Variants in MBD5 observed in about 807,000 individuals in gnomAD.
MBD5 encodes the protein methyl-CpG-binding domain protein 5.
MBD5 carries 13 observed loss-of-function variants against 117.3 expected under a neutral mutation model. The ratio of observed to expected loss-of-function variants is 0.11; its 90% CI spans 0.07 to 0.18. The LOEUF is 0.18. MBD5 is among the 10% of genes least tolerant of loss of function. MBD5 has a pLI of 1.00. For missense variants in MBD5, 1,879 were observed against 2,093.8 expected (o/e 0.90, Z 2.00); for synonymous variants, 727 against 766.4 (o/e 0.95, Z 0.85).
Position 148,470,386 on chromosome 2 carries a change from A to G in MBD5, c.2443A>G (p.Arg815Gly). 1 of 1,613,614 alleles carries G rather than the reference A, an allele frequency of 6.2e-7. No homozygotes were observed. The highest frequency in any genetic ancestry group is 8.5e-7 in the Non-Finnish European group (1 of 1,179,656). Residue 815 changes from arginine to glycine, a missense_variant, in exon 8 of 14, where the codon AGA becomes GGA. By Grantham distance (125) the Arg-to-Gly change is moderately radical. Transcript: ENST00000642680. ...NSLHPNPPQSRISTSSTPVIP... is the reference protein window; with the variant it reads ...NSLHPNPPQSGISTSSTPVIP... ...CTTACATCCCAATCCACCTCAGTCA[A>G]GAATTTCAACGTCCTCCACTCCAGT...
intron 4 of MBD5, among the ~76,000 whole-genome samples, chr2:148,382,618 A>G (rs981442961): frequency 2.0e-5 from 3 of 152,322 alleles, no homozygotes; most frequent in African/African-American, 7.2e-5. Flanking sequence ...ATAGACATCT[A>G]CAGAACTCTC....
At position 148,483,184 on chromosome 2, in the gene MBD5, C is replaced by G; in HGVS notation, c.2593C>G (p.Leu865Val). 6.2e-7 allele frequency: 1 copy of G among 1,613,570 alleles called. No individual in the cohort carries two copies. Among genetic ancestry groups the G allele is most frequent in the Non-Finnish European group, 8.5e-7 (1 of 1,179,928 alleles). ...TGCCATCACAAAGACAACATCTGTT[C>G]TTCAAGATGGCGTCATAGTCACCAC... ...HPAITKTTSV[L>V]QDGVIVTTAA... The change falls in exon 9 of 14, where the codon CTT (leucine) becomes GTT (valine). Residue 865 changes from leucine (L) to valine (V), a missense_variant. Around this residue, in one of 4 missense-constraint regions of MBD5, gnomAD observed 1,666 missense variants for 1,792.2 expected, o/e 0.93. Transcript: ENST00000642680.
intron 1 of MBD5, among the ~76,000 whole-genome samples, chr2:148,163,073 C>CA (rs1346053533): frequency 6.6e-6 from 1 of 152,200 alleles, no homozygotes; most frequent in East Asian, 1.9e-4. Context: ...AAACCACCAG[C>CA]ATGTTAAGAT....
chr2:148,377,647 G>C (rs990713498), intron 4 of MBD5, among the ~76,000 whole-genome samples: 2 of 152,110 alleles, frequency 1.3e-5, no homozygotes, highest in African/African-American at 4.8e-5. Context: ...TCATCAAAAC[G>C]TAATAAATTA....
rs778113519 is a variant in MBD5 at position 148,483,452 on chromosome 2, A to G, written c.2861A>G (p.Asn954Ser). The change falls in exon 9 of 14, where the codon AAC (asparagine) becomes AGC (serine). Residue 954 changes from asparagine (N) to serine (S), a missense_variant. This residue lies in a region of MBD5 where 1,666 missense variants were observed against 1,792.2 expected (regional missense o/e 0.93). Coordinates refer to ENST00000642680, the MANE Select transcript of MBD5 (RefSeq NM_001378120.1). ...PSAGEGKSEI[N>S]LHPLGFLNPN... ...GCAGGAGAAGGCAAGTCTGAGATCAACCTCCACCCTTTAGGTTTTCTCAAC... is the reference window on the plus strand; with the variant it reads ...GCAGGAGAAGGCAAGTCTGAGATCAGCCTCCACCCTTTAGGTTTTCTCAAC... The G allele has an allele frequency of 3.1e-6, 5 of 1,613,986 alleles. No homozygotes were observed. Among genetic ancestry groups the G allele is most frequent in the Non-Finnish European group, 4.2e-6 (5 of 1,179,968 alleles).
At chr2:148,412,824 A>C (rs1705304301) in intron 4 of MBD5, among the ~76,000 whole-genome samples, 1 of 152,010 alleles carries the variant, frequency 6.6e-6, no homozygotes, top group Non-Finnish European at 1.5e-5. Context: ...ACTTTGCTAA[A>C]GTTTTTTTTC....
At position 148,446,602 on chromosome 2, in the gene MBD5, C is replaced by CTATGTGTGTGTGTGTGTGTG. The variant is rs1553516216; in HGVS notation, c.-556-11600_-556-11599insATGTGTGTGTGTGTGTGTGT. On this transcript the variant is annotated intron_variant, in intron 4 of 13. Coordinates refer to ENST00000642680, the MANE Select transcript of MBD5 (RefSeq NM_001378120.1). The stretch of plus-strand genomic sequence containing the variant: ...TTAATTTACATACCAGATTATTTAT[C>CTATGTGTGTGTGTGTGTGTG]TGTGTGTGTGTGTGTGTGTGTGTGT... Among the ~76,000 whole-genome samples the CTATGTGTGTGTGTGTGTGTG allele has an allele frequency of 8.7e-4, 129 of 148,898 alleles. 1 individual carries two copies. Among genetic ancestry groups the CTATGTGTGTGTGTGTGTGTG allele is most frequent in the South Asian group, 1.1e-3 (5 of 4,638 alleles).
intron 7 of MBD5, 48 bp from the exon 8 acceptor site, chr2:148,468,291 CAA>C: frequency 6.6e-7 from 1 of 1,518,952 alleles, no homozygotes; most frequent in Non-Finnish European, 9.1e-7. Context: ...CCTCCCACCA[CAA>C]AAGAGTTGAG....
chr2:148,355,257 T>C (rs902568591), intron 4 of MBD5, among the ~76,000 whole-genome samples: 2 of 151,948 alleles, frequency 1.3e-5, no homozygotes, highest in African/African-American at 2.4e-5. Context: ...TCTTTTGCTA[T>C]GCAGAAGCTC....
intron 4 of MBD5, among the ~76,000 whole-genome samples, chr2:148,431,824 G>C (rs1705995703): frequency 6.6e-6 from 1 of 152,052 alleles, no homozygotes; most frequent in Admixed American, 6.6e-5. Flanking sequence ...GTCCTGTTTT[G>C]AATAGCGCTG....
chr2:148,255,365 G>A (rs1000569159), intron 3 of MBD5, among the ~76,000 whole-genome samples: 31 of 152,146 alleles, frequency 2.0e-4, no homozygotes, highest in African/African-American at 6.8e-4. Flanking sequence ...GTCCCCCAGA[G>A]GAGGGCTCTT....
At chr2:148,365,786 C>A (rs972691151) in intron 4 of MBD5, among the ~76,000 whole-genome samples, 1 of 151,720 alleles carries the variant, frequency 6.6e-6, no homozygotes, top group East Asian at 1.9e-4. Context: ...AGGAAGAAGT[C>A]GAATCACTGA....
chr2:148,135,572 G>C (rs1406536262), intron 1 of MBD5, among the ~76,000 whole-genome samples: 1 of 152,030 alleles, frequency 6.6e-6, no homozygotes, highest in East Asian at 1.9e-4. Context: ...AGCCCCCTAG[G>C]TTTTAGGGCT....
intron 2 of MBD5, among the ~76,000 whole-genome samples, chr2:148,223,514 C>T (rs1246468859): frequency 2.0e-5 from 3 of 152,004 alleles, no homozygotes; most frequent in African/African-American, 7.2e-5. Context: ...GGAATTTGTC[C>T]ATTTCTTCTA....
chr2:148,042,013 C>T (rs969304450), intron 1 of MBD5, among the ~76,000 whole-genome samples: 6 of 152,084 alleles, frequency 3.9e-5, no homozygotes, highest in African/African-American at 1.4e-4. Context: ...GCTCTGGCCA[C>T]CTAAAGGGGA....
chr2:148,503,639 C>T (rs574181787), intron 12 of MBD5, among the ~76,000 whole-genome samples: 4 of 152,222 alleles, frequency 2.6e-5, no homozygotes, highest in East Asian at 3.9e-4. Context: ...CTCTATGTCC[C>T]GGACTCCTTT....
chr2:148,493,672 A>G (rs1313333026), intron 11 of MBD5, among the ~76,000 whole-genome samples: 1 of 152,224 alleles, frequency 6.6e-6, no homozygotes, highest in African/African-American at 2.4e-5. Flanking sequence ...TGGTCATAAT[A>G]GTAACTGACT....
At chr2:148,029,525 T>C (rs1221505787) in intron 1 of MBD5, among the ~76,000 whole-genome samples, 2 of 152,190 alleles carry the variant, frequency 1.3e-5, no homozygotes, top group Non-Finnish European at 1.5e-5. Context: ...ATTTAACATA[T>C]CGCTTTTCTA....
intron 2 of MBD5, among the ~76,000 whole-genome samples, chr2:148,211,168 C>T (rs1466469859): frequency 6.6e-6 from 1 of 152,034 alleles, no homozygotes; most frequent in Non-Finnish European, 1.5e-5. Context: ...CTTTGCTGTC[C>T]CTTTCTTTCT....
Sources: gnomAD v4.1 joint callset for allele counts (sites outside exome capture counted in the v4.1 genomes callset) on GRCh38, gnomAD v4.1.1 for gene constraint, gnomAD v4.1.1 regional missense constraint, MANE v1.5 for transcripts, NCBI Gene and HGNC (gene_info 2026-07-23, HGNC 2026-07-21) for gene names.